Variants in NCKAP5L observed in about 807,000 individuals in gnomAD.
NCKAP5L encodes the protein nck-associated protein 5-like.
NCKAP5L carries 54 observed loss-of-function variants against 103.2 expected under a neutral mutation model. The ratio of observed to expected loss-of-function variants is 0.52; its 90% CI spans 0.42 to 0.66. The LOEUF (loss-of-function observed/expected upper bound fraction) is 0.66. Ranked by LOEUF, NCKAP5L falls within the 30% of genes least tolerant of loss-of-function variation. NCKAP5L has a pLI of 0.00. For synonymous variants in NCKAP5L, 762 were observed against 748.6 expected (o/e 1.02, Z -0.29); for missense variants, 1,733 against 1,750.6 (o/e 0.99, Z 0.18).
At chr12:49,798,955 A>C (rs1035119026) in intron 6 of NCKAP5L, among the ~76,000 whole-genome samples, 1 of 152,180 alleles carries the variant, frequency 6.6e-6, no homozygotes, top group Non-Finnish European at 1.5e-5. Flanking sequence ...CATGTGGAAC[A>C]TCTACTCTGA....
Position 49,801,981 on chromosome 12 carries a change from C to G in NCKAP5L, c.232-14G>C, listed in dbSNP as rs763590740. On this transcript the variant is annotated splice_polypyrimidine_tract_variant and intron_variant, in intron 5 of 12. Coordinates refer to ENST00000335999, the MANE Select transcript of NCKAP5L (RefSeq NM_001037806.4). ...CTCTCGCAGGTCCTGCCGCCCACCC[C>G]GGGAAGTGCAGGAAGAAGAGGTGAG... is the stretch of plus-strand genomic sequence containing the variant. 2 of 1,613,280 alleles carry G rather than the reference C, an allele frequency of 1.2e-6. No homozygotes were observed. Among genetic ancestry groups the G allele is most frequent in the Non-Finnish European group, 1.7e-6 (2 of 1,179,688 alleles).
rs959176050 is a variant in NCKAP5L, at chr12:49,793,342, C to A, written c.3340+10G>T. The A allele has an allele frequency of 6.2e-7, 1 of 1,604,746 alleles. No homozygotes were observed. The highest frequency in any genetic ancestry group is 8.5e-7 in the Non-Finnish European group (1 of 1,179,154). ...GGGCAGGCCCATCCTCAGCCCCTGA[C>A]CCTGCTGACCTGTGAAGTGTGAGGT... is the stretch of plus-strand genomic sequence containing the variant. On this transcript the variant is annotated intron_variant, in intron 10 of 12. Transcript: ENST00000335999.
intron 2 of NCKAP5L, chr12:49,804,622 G>A (rs1173917023): frequency 1.3e-5 from 2 of 152,218 alleles, no homozygotes; most frequent in African/African-American, 4.8e-5. Context: ...ATAAAACCCT[G>A]GCTTTGCGGC....
In NCKAP5L at chr12:49,828,382, T is replaced by C. The variant is rs1305483071; in HGVS notation, c.-159A>G. The C allele has an allele frequency of 1.3e-5, 2 of 152,432 alleles. No individual in the cohort carries two copies. The highest frequency in any genetic ancestry group is 2.9e-5 in the Non-Finnish European group (2 of 68,348). 9.4% of individuals were successfully genotyped at this position (152,432 alleles called of 1,614,324 possible). ...GATCCGCCAGGTCCATGGCCGCGGC[T>C]TGGGGGCGGGGGGCAGAGAAAGGGG... On this transcript the variant is annotated 5_prime_UTR_variant, in exon 1 of 13. Transcript: ENST00000335999.
At chr12:49,798,328 C>A in intron 7 of NCKAP5L, 22 bp downstream of exon 7, 1 of 1,531,436 alleles carries the variant, frequency 6.5e-7, no homozygotes, top group Non-Finnish European at 8.9e-7. Context: ...GGAGTACTGA[C>A]CACAATACCT....
chr12:49,810,839 G>T (rs1173140632), intron 1 of NCKAP5L, among the ~76,000 whole-genome samples: 1 of 152,160 alleles, frequency 6.6e-6, no homozygotes, highest in African/African-American at 2.4e-5. Context: ...TTAAATAACT[G>T]TAAGTATAAC....
At position 49,815,141 on chromosome 12, in the gene NCKAP5L, T is replaced by A. The variant is rs535320742; in HGVS notation, c.-98-9100A>T. Among the ~76,000 whole-genome samples the A allele has an allele frequency of 2.0e-5, 3 of 152,378 alleles. No individual in the cohort carries two copies. The South Asian group carries it at 6.2e-4, about 32-fold the overall frequency. ...ATTGGTTTCTCCATTATAAAGTCAC[T>A]ATTTTTCCTTTTGTAATTAAATATT... On this transcript the variant is annotated intron_variant, in intron 1 of 12. Transcript: ENST00000335999.
At chr12:49,799,532 G>C (rs1450471516) in intron 6 of NCKAP5L, among the ~76,000 whole-genome samples, 4 of 152,012 alleles carry the variant, frequency 2.6e-5, no homozygotes, top group African/African-American at 9.7e-5. Context: ...GCCTAGGCTG[G>C]TCTTGAACTC....
chr12:49,796,894 G>A lies in NCKAP5L; in HGVS notation c.966C>T (p.Ala322=), dbSNP rs756080869. The change falls in exon 8 of 13, where the codon GCC becomes GCT. Residue 322 remains alanine (A), a synonymous_variant. Coordinates refer to ENST00000335999, the MANE Select transcript of NCKAP5L (RefSeq NM_001037806.4). ...GCTGGCCCAGGTTCAACTGTCTGCG[G>A]GCCAGGGCACCGAGCAGGGTGTCGG... The part of the protein sequence containing the change: ...PSPDTLLGAL[A]RRQLNLGQLL... 2 of 1,611,408 alleles carry A rather than the reference G, an allele frequency of 1.2e-6. No homozygotes were observed. The highest frequency in any genetic ancestry group is 1.1e-5 in the South Asian group (1 of 90,852).
At chr12:49,821,050 T>C (rs1946356232) in intron 1 of NCKAP5L, among the ~76,000 whole-genome samples, 1 of 151,698 alleles carries the variant, frequency 6.6e-6, no homozygotes, top group Non-Finnish European at 1.5e-5. Context: ...GGGGTAAGGG[T>C]GGGGTAAGGA....
In NCKAP5L at chr12:49,796,037, C is replaced by T. The variant is rs1271718438; in HGVS notation, c.1823G>A (p.Cys608Tyr). 5 of 1,558,558 alleles carry T rather than the reference C, an allele frequency of 3.2e-6. No homozygotes were observed. The highest frequency in any genetic ancestry group is 1.4e-5 in the African/African-American group (1 of 72,680). ...CCCATAGGGGTACGATTCTGGGAGGCAAGGACTGGGGGGTACTCCAGGGCT... is the reference window on the plus strand; with the variant it reads ...CCCATAGGGGTACGATTCTGGGAGGTAAGGACTGGGGGGTACTCCAGGGCT... ...LRSPGVPPSP[C>Y]LPESYPYGSP... Residue 608 changes from cysteine (C) to tyrosine (Y), a missense_variant, in exon 8 of 13, where the codon TGC becomes TAC. Transcript: ENST00000335999.
At chr12:49,799,542 C>A (rs1314909079) in intron 6 of NCKAP5L, among the ~76,000 whole-genome samples, 1 of 152,024 alleles carries the variant, frequency 6.6e-6, no homozygotes, top group Non-Finnish European at 1.5e-5. Context: ...GTCTTGAACT[C>A]CTGGGCCCAA....
chr12:49,797,221 C>A lies in NCKAP5L; in HGVS notation c.639G>T (p.Arg213=). 6.2e-7 allele frequency: 1 copy of A among 1,613,340 alleles called. No homozygotes were observed. Among genetic ancestry groups the A allele is most frequent in the Middle Eastern group, 1.7e-4 (1 of 6,044 alleles). The change falls in exon 8 of 13, where the codon CGG becomes CGT. Residue 213 remains arginine (R), a synonymous_variant. Transcript: ENST00000335999. The surrounding 1 kb of genome is among the most constrained non-coding windows in gnomAD (Gnocchi z 4.5). Reference sequence around the variant, plus strand: ...GGGAGCCAGGCCCCTGGCCTGGAGGCCGCCAGGGGGTGGCAGGTGAGCAGA... The same window carrying A: ...GGGAGCCAGGCCCCTGGCCTGGAGGACGCCAGGGGGTGGCAGGTGAGCAGA... ...LLLCSPATPW[R]PPGQGPGSPE... is the part of the protein sequence containing the mutation.
chr12:49,792,840 G>C lies in NCKAP5L; in HGVS notation c.3487C>G (p.Pro1163Ala). 1 of 1,557,478 alleles carries C rather than the reference G, an allele frequency of 6.4e-7. No homozygotes were observed. The highest frequency in any genetic ancestry group is 8.7e-7 in the Non-Finnish European group (1 of 1,152,926). Residue 1163 changes from proline to alanine, a missense_variant, in exon 11 of 13, where the codon CCC (proline) becomes GCC (alanine). Transcript: ENST00000335999. This position sits in a 1 kb window ranked among gnomAD's most constrained non-coding sequence, Gnocchi z 4.5. ...DPPPGVPPAR[P>A]PPLTKVPRRA... ...CGGGGGACTTTGGTAAGGGGTGGGG[G>C]CCGAGCTGGGGGTACCCCAGGTGGG...
intron 1 of NCKAP5L, among the ~76,000 whole-genome samples, chr12:49,812,387 CTTT>C (rs542046179): frequency 7.0e-6 from 1 of 142,902 alleles, no homozygotes. Context: ...TGGTTTTCAT[CTTT>C]TTTTTTTTTT....
intron 1 of NCKAP5L, among the ~76,000 whole-genome samples, chr12:49,813,027 T>C (rs2137029008): frequency 6.6e-6 from 1 of 152,338 alleles, no homozygotes; most frequent in South Asian, 2.1e-4. Context: ...TATTGTATTA[T>C]TTTTATTTTA....
rs747959460 is a variant in NCKAP5L at position 49,801,953 on chromosome 12, C to T, written c.246G>A (p.Glu82=). 5.0e-6 allele frequency: 8 copies of T among 1,613,776 alleles called. No homozygotes were observed. Among genetic ancestry groups the T allele is most frequent in the Non-Finnish European group, 6.8e-6 (8 of 1,179,878 alleles). Residue 82 remains glutamate, a synonymous_variant, in exon 6 of 13, where the codon GAG becomes GAA. Transcript: ENST00000335999. The part of the protein sequence containing the change: ...ALLNQKDLRE[E]CIKLKKRVFD... Reference sequence around the variant, plus strand: ...ACACTCTCTTCTTCAGCTTGATGCACTCCTCTCGCAGGTCCTGCCGCCCAC... The same window carrying T: ...ACACTCTCTTCTTCAGCTTGATGCATTCCTCTCGCAGGTCCTGCCGCCCAC...
intron 1 of NCKAP5L, among the ~76,000 whole-genome samples, chr12:49,809,384 C>T (rs375998779): frequency 1.3e-5 from 2 of 152,126 alleles, no homozygotes; most frequent in African/African-American, 2.4e-5. Flanking sequence ...TCCCTCACCC[C>T]GGCCCTTAGC....
At position 49,827,322 on chromosome 12, in the gene NCKAP5L, T is replaced by C. The variant is rs114940465; in HGVS notation, c.-99+1000A>G. Among the ~76,000 whole-genome samples the C allele has an allele frequency of 4.8e-3, 733 of 152,094 alleles. 10 individuals carry two copies. The highest frequency in any genetic ancestry group is 0.017 in the African/African-American group (710 of 41,546). On this transcript the variant is annotated intron_variant, in intron 1 of 12. Coordinates refer to ENST00000335999, the MANE Select transcript of NCKAP5L (RefSeq NM_001037806.4). The stretch of plus-strand genomic sequence containing the variant: ...GGGATTGCCTCTACAGCCAGAGAAC[T>C]CCTTAGCCCAAGACCCCCAGCTCCT...
Sources: allele counts gnomAD v4.1 joint callset (sites outside exome capture counted in the v4.1 genomes callset), GRCh38; gene constraint gnomAD v4.1.1; non-coding constraint Gnocchi (gnomAD v3.1); transcripts MANE v1.5; gene names NCBI Gene and HGNC (gene_info 2026-07-23, HGNC 2026-07-21).